PHF21A: variants seen among roughly 807,000 people sequenced by gnomAD.
PHF21A encodes BHC80a.
Under a neutral mutation model 82.5 loss-of-function variants are expected in PHF21A, and 11 were observed. That is an observed-to-expected ratio of 0.13 (90% CI 0.08 to 0.22). The LOEUF is 0.22. Ranked by LOEUF, PHF21A falls within the 10% of genes least tolerant of loss-of-function variation. The pLI, the probability that PHF21A is intolerant of heterozygous loss-of-function variation, is 1.00. For synonymous variants in PHF21A, 297 were observed against 302.8 expected (o/e 0.98, Z 0.20); for missense variants, 579 against 837.8 (o/e 0.69, Z 3.81).
chr11:46,078,537 A>C (rs931212958), intron 5 of PHF21A, among the ~76,000 whole-genome samples: 1 of 152,210 alleles, frequency 6.6e-6, no homozygotes, highest in African/African-American at 2.4e-5. Context: ...AAAATGCCTA[A>C]GTGAAAAATG....
chr11:46,097,701 C>G (rs1445813553), intron 1 of PHF21A, among the ~76,000 whole-genome samples: 1 of 152,108 alleles, frequency 6.6e-6, no homozygotes, highest in East Asian at 1.9e-4. Flanking sequence ...CTCAAACCAT[C>G]CTAATTCCCA....
At chr11:46,025,269 T>C (rs1018365348) in intron 6 of PHF21A, among the ~76,000 whole-genome samples, 8 of 152,352 alleles carry the variant, frequency 5.3e-5, no homozygotes, top group Middle Eastern at 3.4e-3. Flanking sequence ...AGTCTTCTTC[T>C]GTCTTATCCC....
At position 45,939,224 on chromosome 11, in the gene PHF21A, T is replaced by C. The variant is rs376146693; in HGVS notation, c.1453-912A>G. ...GGCGATACCTAAGAGTTTTATTATG[T>C]TTTGGTAGAGGACAACCTACATATC... On this transcript the variant is annotated intron_variant, in intron 15 of 18. Coordinates refer to ENST00000676320, the MANE Select transcript of PHF21A (RefSeq NM_001352027.3). Among the ~76,000 whole-genome samples the C allele has an allele frequency of 5.6e-4, 85 of 152,322 alleles. 1 individual carries two copies. The South Asian group carries it at 0.017, about 31-fold the overall frequency.
chr11:45,969,886 G>T lies in PHF21A; in HGVS notation c.631C>A (p.Pro211Thr). Residue 211 changes from proline (P) to threonine (T), a missense_variant, in exon 9 of 19, where the codon CCT becomes ACT. Transcript: ENST00000676320. Reference protein sequence around the residue: ...TVTLQVQATPPQPIKVPQFIP... With the variant: ...TVTLQVQATPTQPIKVPQFIP... ...AACTGTGGTACTTTGATGGGCTGAG[G>T]AGGTGTTGCCTGAACCTGCTAAAAA... The T allele has an allele frequency of 1.2e-6, 2 of 1,613,478 alleles. No homozygotes were observed. The highest frequency in any genetic ancestry group is 1.7e-6 in the Non-Finnish European group (2 of 1,179,548).
intron 6 of PHF21A, among the ~76,000 whole-genome samples, chr11:45,993,376 T>C (rs1312174320): frequency 6.6e-6 from 1 of 152,142 alleles, no homozygotes; most frequent in Non-Finnish European, 1.5e-5. Flanking sequence ...CTCAGAACTG[T>C]GCAGGGCTAA....
intron 6 of PHF21A, among the ~76,000 whole-genome samples, chr11:46,045,892 T>C (rs1406738913): frequency 6.6e-6 from 1 of 152,068 alleles, no homozygotes; most frequent in Non-Finnish European, 1.5e-5. Flanking sequence ...GAGGATAAAC[T>C]CCTCACTGGG....
At chr11:45,960,918 ATG>A (rs2093034844) in intron 10 of PHF21A, among the ~76,000 whole-genome samples, 1 of 152,208 alleles carries the variant, frequency 6.6e-6, no homozygotes, top group Non-Finnish European at 1.5e-5. Flanking sequence ...AGAAGTCTCC[ATG>A]TGATAAAAGT....
chr11:45,945,753 T>C, intron 15 of PHF21A, 87 bp downstream of exon 15: 2 of 1,123,488 alleles, frequency 1.8e-6, no homozygotes, highest in Non-Finnish European at 1.3e-6. Context: ...GTCAAGAAGG[T>C]GCAAGTCGAT....
At chr11:46,106,866 T>C (rs1487667411) in intron 1 of PHF21A, among the ~76,000 whole-genome samples, 3 of 152,236 alleles carry the variant, frequency 2.0e-5, no homozygotes, top group South Asian at 2.1e-4. Flanking sequence ...TATATTTCTG[T>C]CTTTTAAAGC....
chr11:46,072,214 A>AT (rs2134767098), intron 6 of PHF21A, among the ~76,000 whole-genome samples: 1 of 152,304 alleles, frequency 6.6e-6, no homozygotes, highest in South Asian at 2.1e-4. Flanking sequence ...TAGTCCTTGA[A>AT]TTTTATCTGG....
At chr11:46,098,258 A>C (rs1285926387) in intron 1 of PHF21A, among the ~76,000 whole-genome samples, 1 of 152,214 alleles carries the variant, frequency 6.6e-6, no homozygotes, top group African/African-American at 2.4e-5. Flanking sequence ...TGGGTGTAGT[A>C]AACACTGATT....
intron 6 of PHF21A, among the ~76,000 whole-genome samples, chr11:45,983,485 G>A (rs2094382148): frequency 6.6e-6 from 1 of 151,880 alleles, no homozygotes; most frequent in South Asian, 2.1e-4. Flanking sequence ...CATGTCTGTT[G>A]CTATCTGTGA....
chr11:46,106,316 T>TG (rs1024273538), intron 1 of PHF21A, among the ~76,000 whole-genome samples: 1 of 152,042 alleles, frequency 6.6e-6, no homozygotes, highest in East Asian at 1.9e-4. Context: ...CACAAAAGGG[T>TG]GGGGGGGAAC....
intron 10 of PHF21A, among the ~76,000 whole-genome samples, chr11:45,958,059 T>C (rs567961643): frequency 2.2e-4 from 33 of 151,956 alleles, no homozygotes; most frequent in African/African-American, 6.8e-4. Flanking sequence ...ATTACCAAAA[T>C]TGACTCAAGA....
At chr11:46,118,755 A>C (rs1415372419) in intron 1 of PHF21A, 1 of 152,260 alleles carries the variant, frequency 6.6e-6, no homozygotes, top group African/African-American at 2.4e-5. Flanking sequence ...AATTAAAATG[A>C]ATAATAGTAT....
intron 1 of PHF21A, among the ~76,000 whole-genome samples, chr11:46,099,608 T>C (rs1471306358): frequency 6.6e-6 from 1 of 150,558 alleles, no homozygotes; most frequent in East Asian, 1.9e-4. Context: ...CTCTTTCACT[T>C]GAAGGGGCTT....
intron 6 of PHF21A, among the ~76,000 whole-genome samples, chr11:46,040,572 T>C (rs2096113367): frequency 6.6e-6 from 1 of 151,950 alleles, no homozygotes; most frequent in Non-Finnish European, 1.5e-5. Context: ...CATTAGAAAA[T>C]TAGGGTTTAG....
chr11:46,004,066 G>GT (rs2095227867), intron 6 of PHF21A, among the ~76,000 whole-genome samples: 1 of 152,030 alleles, frequency 6.6e-6, no homozygotes, highest in Non-Finnish European at 1.5e-5. Flanking sequence ...TACAGAGTTG[G>GT]TTTTTTTAAA....
In PHF21A at chr11:45,965,513, C is replaced by A; in HGVS notation, c.798G>T (p.Met266Ile). The change falls in exon 10 of 19, where the codon ATG becomes ATT. Residue 266 changes from methionine (M) to isoleucine (I), a missense_variant. Physicochemically the swap from Met to Ile is conservative, Grantham distance 10. Coordinates refer to ENST00000676320, the MANE Select transcript of PHF21A (RefSeq NM_001352027.3). ...GGGTTGTGGGGGTGAACTTGGTCAG[C>A]ATGACGGGCCTCTGGATAAGCTGAG... ...AAPQLIQRPV[M>I]LTKFTPTTLP... 6.2e-7 allele frequency: 1 copy of A among 1,611,108 alleles called. No homozygotes were observed. The highest frequency in any genetic ancestry group is 1.3e-5 in the African/African-American group (1 of 74,976).
Sources: allele counts gnomAD v4.1 joint callset (sites outside exome capture counted in the v4.1 genomes callset), GRCh38; gene constraint gnomAD v4.1.1; transcripts MANE v1.5; gene names NCBI Gene and HGNC (gene_info 2026-07-23, HGNC 2026-07-21).